Variants in TRIM73 observed in about 807,000 individuals in gnomAD.
TRIM73 encodes the protein tripartite motif-containing protein 73.
For missense variants in TRIM73, 17 were observed against 272.5 expected (o/e 0.06, Z 6.60); for synonymous variants, 8 against 115.4 (o/e 0.07, Z 5.97).
chr7:75,405,010 G>A, exon 4 of TRIM73: 1 of 1,612,972 alleles, frequency 6.2e-7, no homozygotes, highest in Non-Finnish European at 8.5e-7. Context: ...GGAGCGGCTG[G>A]CCCAAGCCGA....
At chr7:75,401,691 C>T (rs1231050853) in intron 2 of TRIM73, 1 of 12,678 alleles carries the variant, frequency 7.9e-5, no homozygotes, top group African/African-American at 5.2e-4. Context: ...GAATGAGTCC[C>T]GTCTGTCTGC....
rs782221258 is a variant in TRIM73, at chr7:75,398,674, GACACACACACACACACAC to G, written c.-18-227_-18-210del. Among the ~76,000 whole-genome samples the G allele has an allele frequency of 1.7e-4, 6 of 36,340 alleles. No homozygotes were observed. The South Asian group carries it at 3.4e-3, about 20-fold the overall frequency. 23.8% of individuals were successfully genotyped at this position (36,340 alleles called of 152,430 possible). Reference sequence around the variant, plus strand: ...TCTCCAAATTTGAGTAAAAAATGTAGACACACACACACACACACACACACACACACACGTATCTTCAAG... The same window carrying G: ...TCTCCAAATTTGAGTAAAAAATGTAGACACACACACACACGTATCTTCAAG... On this transcript the variant is annotated intron_variant, in intron 1 of 4. Transcript: ENST00000323819.
chr7:75,396,276 G>C (rs1474046295), intron 1 of TRIM73, among the ~76,000 whole-genome samples: 1 of 152,280 alleles, frequency 6.6e-6, no homozygotes, highest in Non-Finnish European at 1.5e-5. Flanking sequence ...ATGGATCTCA[G>C]CTCACTGCAG....
chr7:75,396,227 T>C (rs1788867836), intron 1 of TRIM73, among the ~76,000 whole-genome samples: 1 of 152,310 alleles, frequency 6.6e-6, no homozygotes, highest in Non-Finnish European at 1.5e-5. Context: ...ATTGATTGAT[T>C]GACAGAGGCT....
At chr7:75,396,132 G>A (rs1211178140) in intron 1 of TRIM73, among the ~76,000 whole-genome samples, 3 of 151,130 alleles carry the variant, frequency 2.0e-5, no homozygotes, top group African/African-American at 7.3e-5. Flanking sequence ...TCCCAGCTGT[G>A]GGTTACTTCC....
chr7:75,401,152 G>T (rs1452500326), intron 2 of TRIM73, among the ~76,000 whole-genome samples: 2 of 10,818 alleles, frequency 1.8e-4, no homozygotes, highest in Non-Finnish European at 3.2e-4. Flanking sequence ...TGTCTCTGAG[G>T]ACTGAAAAGT....
At chr7:75,396,255 GGA>G (rs1371386059) in intron 1 of TRIM73, among the ~76,000 whole-genome samples, 4 of 152,292 alleles carry the variant, frequency 2.6e-5, no homozygotes, top group Non-Finnish European at 1.5e-5. Flanking sequence ...AGCCCAGGCT[GGA>G]GTTCAGTGAT....
At chr7:75,398,781 TG>T (rs1788927187) in intron 1 of TRIM73, 134 bp from the exon 2 acceptor site, 1 of 1,007,444 alleles carries the variant, frequency 9.9e-7, no homozygotes, top group Non-Finnish European at 1.4e-6. Context: ...CAAGGTCATG[TG>T]GGTTAGGACT....
chr7:75,404,990 A>G, exon 4 of TRIM73: 1 of 1,611,634 alleles, frequency 6.2e-7, no homozygotes, highest in Non-Finnish European at 8.5e-7. Context: ...GAGCAGGCCC[A>G]GGGAACCCGG....
At chr7:75,398,705 AC>A (rs1788924255) in intron 1 of TRIM73, among the ~76,000 whole-genome samples, 1 of 53,350 alleles carries the variant, frequency 1.9e-5, no homozygotes, top group South Asian at 7.7e-4. Flanking sequence ...ACACACACAC[AC>A]GTATCTTCAA....
intron 2 of TRIM73, chr7:75,402,333 G>A (rs1789010136): frequency 1.2e-5 from 1 of 81,072 alleles, no homozygotes; most frequent in Non-Finnish European, 2.4e-5. Flanking sequence ...TCATGCACAG[G>A]GGTGACATCG....
chr7:75,398,828 TG>T, intron 1 of TRIM73, 87 bp from the exon 2 acceptor site: 7 of 1,479,838 alleles, frequency 4.7e-6, no homozygotes, highest in Non-Finnish European at 5.5e-6. Flanking sequence ...TATAAAATTC[TG>T]GTGCTCCTTA....
chr7:75,399,363 G>GAGA, intron 2 of TRIM73, 31 bp downstream of exon 2: 5 of 451,040 alleles, frequency 1.1e-5, no homozygotes, highest in South Asian at 2.2e-5. Context: ...CGGGGCGGCG[G>GAGA]GGCCCGCGGG....
Position 75,395,633 on chromosome 7 carries a change from A to G in TRIM73, c.-196A>G. 1.9e-6 allele frequency: 1 copy of G among 534,306 alleles called. No homozygotes were observed. The highest frequency in any genetic ancestry group is 4.9e-4 in the Middle Eastern group (1 of 2,038). The allele number at this position is 534,306 out of a possible 1,614,324, so 33.1% of individuals were successfully genotyped here. A position where few individuals can be genotyped will look rare whatever the true frequency, so the allele number is the denominator to read the frequency against. On this transcript the variant is annotated 5_prime_UTR_variant, in exon 1 of 5. It removes an upstream start codon present in the reference 5' UTR. Coordinates refer to ENST00000323819, the Ensembl canonical transcript of TRIM73. ...GGCACGTAATGGGAGCGCGCTGAGC[A>G]TGATGGGGCATGTGCGGGAGCGCCA...
intron 2 of TRIM73, among the ~76,000 whole-genome samples, chr7:75,401,404 A>G: frequency 1.1e-5 from 1 of 90,352 alleles, no homozygotes; most frequent in Non-Finnish European, 2.2e-5. Context: ...GGGTCTCACT[A>G]TTTTGTCCAG....
intron 2 of TRIM73, 84 bp downstream of exon 2, chr7:75,399,416 AC>A: frequency 2.8e-6 from 1 of 362,056 alleles, no homozygotes; most frequent in Non-Finnish European, 4.7e-6. Context: ...TGGCACCAAA[AC>A]GGATCCAGCT....
Position 75,396,134 on chromosome 7 carries a change from G to A in TRIM73, c.-19+324G>A, listed in dbSNP as rs1219292300. ...CAGGGTTCAGGGCTCCCAGCTGTGG[G>A]TTACTTCCACCTTCTTTCACTTTCC... is the stretch of plus-strand genomic sequence containing the variant. On this transcript the variant is annotated intron_variant, in intron 1 of 4. Transcript: ENST00000323819. Among the ~76,000 whole-genome samples the A allele has an allele frequency of 1.5e-4, 23 of 151,436 alleles. No homozygotes were observed. In the South Asian group the frequency reaches 4.8e-3, roughly 32 times the overall value.
At chr7:75,398,768 GC>G (rs1788926690) in intron 1 of TRIM73, 147 bp from the exon 2 acceptor site, 9 of 892,952 alleles carry the variant, frequency 1.0e-5, no homozygotes, top group Non-Finnish European at 1.5e-5. Flanking sequence ...GGAAACTGAG[GC>G]CCAAGGTCAT....
At chr7:75,401,539 G>A (rs1168640919) in intron 2 of TRIM73, 1 of 25,488 alleles carries the variant, frequency 3.9e-5, no homozygotes, top group Admixed American at 5.6e-4. Flanking sequence ...GCTCTTCTCT[G>A]TTGCAACACA....
Sources: gnomAD v4.1 joint callset for allele counts (sites outside exome capture counted in the v4.1 genomes callset) on GRCh38, gnomAD v4.1.1 for gene constraint, MANE v1.5 for transcripts, NCBI Gene and HGNC (gene_info 2026-07-23, HGNC 2026-07-21) for gene names.